The following UMPS variants were observed in gnomAD, a reference collection of about 807,000 sequenced individuals.
UMPS encodes the protein uridine monophosphate synthetase, also known as uridine 5'-monophosphate synthase.
Under a neutral mutation model 38.9 loss-of-function variants are expected in UMPS, and 21 were observed. The observed-to-expected ratio is 0.54, with a 90% CI of 0.38 to 0.78. The LOEUF is 0.78. Among genes scored for constraint, UMPS ranks in the 30% least tolerant of loss-of-function variants. UMPS has a pLI of 0.00. For synonymous variants in UMPS, 208 were observed against 219.3 expected (o/e 0.95, Z 0.45); for missense variants, 533 against 591.6 (o/e 0.90, Z 1.03).
chr3:124,733,031 A>G (rs1313008038), intron 1 of UMPS, among the ~76,000 whole-genome samples: 4 of 150,952 alleles, frequency 2.6e-5, no homozygotes, highest in African/African-American at 9.8e-5. Context: ...AGTTCAAAAC[A>G]TGGAGAGACT....
rs1445544677 is a variant in UMPS, at chr3:124,737,571, C to A, written c.314C>A (p.Thr105Asn). 6.2e-7 allele frequency: 1 copy of A among 1,614,124 alleles called. No individual in the cohort carries two copies. Among genetic ancestry groups the A allele is most frequent in the Non-Finnish European group, 8.5e-7 (1 of 1,180,028 alleles). ...AGCAAAATTTTTTCTTTTCTAGGAA[C>A]TAAGCGTCTTGTAGAAGGAACTATT... ...IRRKETKDYG[T>N]KRLVEGTINP... The change falls in exon 3 of 6, where the codon ACT becomes AAT. Residue 105 changes from threonine (T) to asparagine (N), a missense_variant. Coordinates refer to ENST00000232607, the MANE Select transcript of UMPS (RefSeq NM_000373.4).
chr3:124,740,340 C>T (rs1170001210), intron 4 of UMPS, 141 bp downstream of exon 4: 2 of 775,708 alleles, frequency 2.6e-6, no homozygotes, highest in East Asian at 5.2e-5. Flanking sequence ...TATATTAATA[C>T]TAGTTGGATA....
rs2063578280 is a variant in UMPS at position 124,744,105 on chromosome 3, A to G, written c.*21A>G. The stretch of plus-strand genomic sequence containing the variant: ...TTTGAGTGCTTCAGATACATTTTTC[A>G]GATACAATGTGAAGACATTGAAGAT... On this transcript the variant is annotated 3_prime_UTR_variant, in exon 6 of 6. Coordinates refer to ENST00000232607, the MANE Select transcript of UMPS (RefSeq NM_000373.4). The G allele has an allele frequency of 5.0e-6, 8 of 1,613,414 alleles. No individual in the cohort carries two copies. The highest frequency in any genetic ancestry group is 6.8e-6 in the Non-Finnish European group (8 of 1,179,634).
At chr3:124,733,848 T>G (rs919861099) in intron 1 of UMPS, 1 of 152,230 alleles carries the variant, frequency 6.6e-6, no homozygotes, top group African/African-American at 2.4e-5. Flanking sequence ...CCATTTTAAA[T>G]TTCAGTTTAC....
At chr3:124,736,318 T>G (rs1052103431) in intron 2 of UMPS, among the ~76,000 whole-genome samples, 2 of 152,108 alleles carry the variant, frequency 1.3e-5, no homozygotes, top group Non-Finnish European at 2.9e-5. Flanking sequence ...ATTAATGGGC[T>G]TTTTTGTTTA....
intron 4 of UMPS, among the ~76,000 whole-genome samples, chr3:124,741,319 G>A (rs931398981): frequency 1.3e-5 from 2 of 152,158 alleles, no homozygotes; most frequent in African/African-American, 2.4e-5. Context: ...AGGCTGGAGT[G>A]CAGTGGTGGT....
At chr3:124,731,474 T>C (rs10934681) in intron 1 of UMPS, 112,550 of 434,170 alleles carry the variant, frequency 0.26, 15,664 homozygotes, top group Middle Eastern at 0.35. Flanking sequence ...AATCAATCGC[T>C]TGTGTTATTA....
intron 5 of UMPS, 102 bp from the exon 6 acceptor site, chr3:124,743,813 T>G: frequency 1.4e-6 from 2 of 1,450,448 alleles, no homozygotes; most frequent in Non-Finnish European, 1.9e-6. Flanking sequence ...AGTAGGGGCA[T>G]GTTTTTATTT....
intron 3 of UMPS, 184 bp downstream of exon 3, chr3:124,738,423 C>A: frequency 1.6e-6 from 1 of 644,872 alleles, no homozygotes. Context: ...CTGCTTTCTT[C>A]TCTGTTGACT....
At chr3:124,737,427 A>G (rs1298091710) in intron 2 of UMPS, 141 bp from the exon 3 acceptor site, 5 of 750,912 alleles carry the variant, frequency 6.7e-6, no homozygotes, top group Non-Finnish European at 8.8e-6. Context: ...ATGTGCAACT[A>G]GCAAGTTTGG....
intron 2 of UMPS, among the ~76,000 whole-genome samples, chr3:124,735,934 G>A (rs1032847422): frequency 6.6e-5 from 10 of 152,020 alleles, no homozygotes; most frequent in Non-Finnish European, 1.0e-4. Flanking sequence ...CTGAGATTGC[G>A]CCACTGCACT....
At chr3:124,731,798 G>A (rs2063480497) in intron 1 of UMPS, among the ~76,000 whole-genome samples, 1 of 151,616 alleles carries the variant, frequency 6.6e-6, no homozygotes, top group South Asian at 2.1e-4. Flanking sequence ...TCAGGAGGCT[G>A]AGGCAGAAGA....
intron 1 of UMPS, among the ~76,000 whole-genome samples, chr3:124,734,892 G>A (rs563103954): frequency 4.9e-4 from 74 of 152,170 alleles, no homozygotes; most frequent in Non-Finnish European, 9.1e-4. Flanking sequence ...GTAGTGGTGC[G>A]CGCCTGTAAT....
intron 3 of UMPS, among the ~76,000 whole-genome samples, chr3:124,739,376 G>A (rs1273563803): frequency 6.6e-6 from 1 of 152,074 alleles, no homozygotes; most frequent in Non-Finnish European, 1.5e-5. Flanking sequence ...CTGTCGCCCA[G>A]GCTGGAGTGC....
At position 124,735,147 on chromosome 3, in the gene UMPS, G is replaced by T. The variant is rs150877812; in HGVS notation, c.211G>T (p.Val71Leu). The change falls in exon 2 of 6, where the codon GTG (valine) becomes TTG (leucine). Residue 71 changes from valine (V) to leucine (L), a missense_variant. Transcript: ENST00000232607. ...AAATGCAGGCATCAGTTTTGACACCGTGTGTGGAGTGCCTTATACAGCTTT... is the reference window on the plus strand; with the variant it reads ...AAATGCAGGCATCAGTTTTGACACCTTGTGTGGAGTGCCTTATACAGCTTT... ...AQNAGISFDT[V>L]CGVPYTALPL... is the part of the protein sequence containing the mutation. The T allele has an allele frequency of 6.2e-7, 1 of 1,614,074 alleles. No homozygotes were observed. The highest frequency in any genetic ancestry group is 1.7e-5 in the Admixed American group (1 of 60,026).
In UMPS at chr3:124,746,103, CT is replaced by C. The variant is rs2063595005; in HGVS notation, c.*2020del. 3 of 454,102 alleles carry C rather than the reference CT, an allele frequency of 6.6e-6. No homozygotes were observed. The highest frequency in any genetic ancestry group is 4.0e-5 in the African/African-American group (2 of 50,132). 28.1% of individuals were successfully genotyped at this position (454,102 alleles called of 1,614,324 possible). On this transcript the variant is annotated 3_prime_UTR_variant, in exon 6 of 6. Transcript: ENST00000232607. ...GCAGTGAGACAGCCTTGAGGTCTGC[CT>C]CCTGCTAAGAGTCACATGCTCCTGT...
At chr3:124,732,884 T>G (rs1358161976) in intron 1 of UMPS, among the ~76,000 whole-genome samples, 1 of 152,096 alleles carries the variant, frequency 6.6e-6, no homozygotes, top group Admixed American at 6.6e-5. Flanking sequence ...GGAGAATTAC[T>G]AAGGATTTTC....
At chr3:124,735,050 A>G in intron 1 of UMPS, 43 bp from the exon 2 acceptor site, 1 of 1,531,494 alleles carries the variant, frequency 6.5e-7, no homozygotes, top group Non-Finnish European at 8.9e-7. Flanking sequence ...ATAAAATAAA[A>G]TAGTTACAAT....
chr3:124,740,109 A>G lies in UMPS; in HGVS notation c.1068A>G (p.Glu356=). The part of the protein sequence containing the change: ...PGSGVVKGLQ[E]VGLPLHRGCL... ...CAGGAGTTGTGAAAGGCCTGCAAGA[A>G]GTGGGCCTGCCTTTGCATCGGGGGT... Residue 356 remains glutamate (E), a synonymous_variant, in exon 4 of 6, where the codon GAA becomes GAG. Coordinates refer to ENST00000232607, the MANE Select transcript of UMPS (RefSeq NM_000373.4). The G allele has an allele frequency of 6.2e-7, 1 of 1,614,144 alleles. No individual in the cohort carries two copies. Among genetic ancestry groups the G allele is most frequent in the Middle Eastern group, 1.7e-4 (1 of 6,036 alleles).
Sources: allele counts gnomAD v4.1 joint callset (sites outside exome capture counted in the v4.1 genomes callset), GRCh38; gene constraint gnomAD v4.1.1; transcripts MANE v1.5; gene names NCBI Gene and HGNC (gene_info 2026-07-23, HGNC 2026-07-21).